Variants in ISY1 observed in about 807,000 individuals in gnomAD.
ISY1 encodes the protein pre-mRNA-splicing factor ISY1 homolog.
Under a neutral mutation model 54.4 loss-of-function variants are expected in ISY1, and 12 were observed. The observed-to-expected ratio is 0.22, with a 90% CI of 0.14 to 0.36. ISY1 has a LOEUF of 0.36. Ranked by LOEUF, ISY1 falls within the 10% of genes least tolerant of loss-of-function variation. The pLI is 1.00. For missense variants in ISY1, 282 were observed against 342.2 expected, an observed-to-expected ratio of 0.82 and a Z score of 1.39; for synonymous variants, 96 against 117.9, an observed-to-expected ratio of 0.81 and a Z score of 1.20.
intron 6 of ISY1, 95 bp from the exon 7 acceptor site, chr3:129,140,580 C>T: frequency 7.5e-7 from 1 of 1,332,532 alleles, no homozygotes; most frequent in Non-Finnish European, 1.0e-6. Flanking sequence ...GCTCTGTTGC[C>T]CATTTATTTA....
At chr3:129,138,623 G>A (rs544824161) in intron 7 of ISY1, among the ~76,000 whole-genome samples, 36 of 151,520 alleles carry the variant, frequency 2.4e-4, no homozygotes, top group African/African-American at 8.7e-4. Context: ...CAGCCTTGGT[G>A]ACAGAGCGAG....
Position 129,156,928 on chromosome 3 carries a change from GA to G in ISY1, c.79-9del, listed in dbSNP as rs1349949655. On this transcript the variant is annotated splice_polypyrimidine_tract_variant and intron_variant, in intron 3 of 10. Transcript: ENST00000393295. ...CAGAAAGGGTCTTCGTTCCTAAGGA[GA>G]AAAAAATAACACATTTCCATTATAC... 2 of 1,612,816 alleles carry G rather than the reference GA, an allele frequency of 1.2e-6. No individual in the cohort carries two copies. The highest frequency in any genetic ancestry group is 2.2e-5 in the East Asian group (1 of 44,828).
intron 6 of ISY1, among the ~76,000 whole-genome samples, chr3:129,141,626 C>T (rs975650365): frequency 1.3e-5 from 2 of 150,752 alleles, no homozygotes; most frequent in East Asian, 2.0e-4. Context: ...TGGTGGTGGG[C>T]GCCTGTAGTC....
intron 9 of ISY1, among the ~76,000 whole-genome samples, chr3:129,133,740 G>A (rs535765158): frequency 6.6e-6 from 1 of 152,242 alleles, no homozygotes; most frequent in African/African-American, 2.4e-5. Flanking sequence ...AAGAGCAACT[G>A]CCACTGACAC....
chr3:129,156,936 T>C lies in ISY1; in HGVS notation c.79-16A>G. 1 of 1,613,440 alleles carries C rather than the reference T, an allele frequency of 6.2e-7. No individual in the cohort carries two copies. The highest frequency in any genetic ancestry group is 8.5e-7 in the Non-Finnish European group (1 of 1,179,732). On this transcript the variant is annotated splice_polypyrimidine_tract_variant and intron_variant, in intron 3 of 10. Transcript: ENST00000393295. ...GTCTTCGTTCCTAAGGAGAAAAAAA[T>C]AACACATTTCCATTATACTATTTAC...
chr3:129,161,001 A>T lies in ISY1; in HGVS notation c.-26T>A. 2 of 1,433,024 alleles carry T rather than the reference A, an allele frequency of 1.4e-6. No homozygotes were observed. Among genetic ancestry groups the T allele is most frequent in the Non-Finnish European group, 1.9e-6 (2 of 1,073,506 alleles). 88.8% of individuals were successfully genotyped at this position (1,433,024 alleles called of 1,614,324 possible). On this transcript the variant is annotated 5_prime_UTR_variant, in exon 1 of 11. Coordinates refer to ENST00000393295, the MANE Select transcript of ISY1 (RefSeq NM_020701.4). ...GGTGTCGCTAAGGGCGCCGTCCTGG[A>T]GCCCCGCGGCCCCTGTCCAAGAAAC... is the stretch of plus-strand genomic sequence containing the variant.
intron 5 of ISY1, among the ~76,000 whole-genome samples, chr3:129,154,316 G>A (rs1297175166): frequency 6.7e-6 from 1 of 149,966 alleles, no homozygotes; most frequent in Non-Finnish European, 1.5e-5. Context: ...TCGGGAGGCT[G>A]AGGCAGGAGA....
chr3:129,159,014 A>G lies in ISY1; in HGVS notation c.26+140T>C, dbSNP rs773603655. The G allele has an allele frequency of 1.2e-5, 13 of 1,119,920 alleles. No homozygotes were observed. In the South Asian group the frequency reaches 1.7e-4, roughly 15 times the overall value. The allele number at this position is 1,119,920 out of a possible 1,614,324, so 69.4% of individuals were successfully genotyped here. On this transcript the variant is annotated intron_variant, in intron 2 of 10. Coordinates refer to ENST00000393295, the MANE Select transcript of ISY1 (RefSeq NM_020701.4). ...TGGGCAAAAACAGGAATGTTTTTGC[A>G]TATGTAAGAACATAACATATGTAAA...
At position 129,130,066 on chromosome 3, in the gene ISY1, A is replaced by T; in HGVS notation, c.*15T>A. ...TGGGGGATGGAAGAACTCCAAGGAG[A>T]GCCCCAGCTGGGTCCTAATACCCCA... On this transcript the variant is annotated 3_prime_UTR_variant, in exon 11 of 11. Coordinates refer to ENST00000393295, the MANE Select transcript of ISY1 (RefSeq NM_020701.4). 6.4e-7 allele frequency: 1 copy of T among 1,560,696 alleles called. No homozygotes were observed. The highest frequency in any genetic ancestry group is 1.2e-5 in the South Asian group (1 of 82,048).
intron 5 of ISY1, among the ~76,000 whole-genome samples, chr3:129,146,476 T>C (rs950305258): frequency 6.6e-6 from 1 of 152,056 alleles, no homozygotes; most frequent in Non-Finnish European, 1.5e-5. Context: ...TGAAACATCA[T>C]ATAACTTTTG....
chr3:129,155,641 T>C (rs911875476), intron 5 of ISY1, among the ~76,000 whole-genome samples: 1 of 151,478 alleles, frequency 6.6e-6, no homozygotes. Context: ...TTTACAAATA[T>C]GTTGTTTAAT....
At chr3:129,146,635 G>A (rs112197822) in intron 5 of ISY1, among the ~76,000 whole-genome samples, 1,600 of 152,282 alleles carry the variant, frequency 0.011, 13 homozygotes, top group Middle Eastern at 0.031. Context: ...TTCTAGGGGT[G>A]ATGGATACTG....
chr3:129,131,673 G>A (rs1174130215), intron 9 of ISY1, among the ~76,000 whole-genome samples: 1 of 152,218 alleles, frequency 6.6e-6, no homozygotes, highest in Non-Finnish European at 1.5e-5. Flanking sequence ...CAGAGGGATG[G>A]CAAGGGCATC....
chr3:129,155,276 C>T (rs1203151661), intron 5 of ISY1, among the ~76,000 whole-genome samples: 1 of 151,686 alleles, frequency 6.6e-6, no homozygotes, highest in Non-Finnish European at 1.5e-5. Flanking sequence ...CTCACTACAA[C>T]CTCCGCCTCC....
chr3:129,130,496 A>G (rs1035091893), intron 10 of ISY1, 54 bp downstream of exon 10: 1 of 1,601,604 alleles, frequency 6.2e-7, no homozygotes, highest in African/African-American at 1.3e-5. Context: ...TGCTCTGTGA[A>G]GTCTGCTTTA....
At chr3:129,143,406 T>C (rs1291311041) in intron 6 of ISY1, among the ~76,000 whole-genome samples, 1 of 147,782 alleles carries the variant, frequency 6.8e-6, no homozygotes. Flanking sequence ...CTCTGGAGGC[T>C]GGGGCACAAG....
In ISY1 at chr3:129,151,137, T is replaced by TATATAAAAATATATAAA. The variant is rs1486465294; in HGVS notation, c.188-5265_188-5264insTTTATATATTTTTATAT. ...ACTCTGTCTCAAAAAAAAATATATA[T>TATATAAAAATATATAAA]ATATATAAATATATAAAATATATAA... On this transcript the variant is annotated intron_variant, in intron 5 of 10. Transcript: ENST00000393295. Among the ~76,000 whole-genome samples, 564 of 145,840 alleles carry TATATAAAAATATATAAA rather than the reference T, an allele frequency of 3.9e-3. 3 individuals are homozygous for TATATAAAAATATATAAA. The highest frequency in any genetic ancestry group is 5.4e-3 in the African/African-American group (215 of 40,100).
chr3:129,144,231 A>C, intron 6 of ISY1: 1 of 356,318 alleles, frequency 2.8e-6, no homozygotes, highest in Non-Finnish European at 5.6e-6. Flanking sequence ...ATATAAAAAT[A>C]AAAAACAGCA....
intron 6 of ISY1, among the ~76,000 whole-genome samples, chr3:129,141,183 C>G (rs977682806): frequency 6.7e-5 from 9 of 133,664 alleles, no homozygotes; most frequent in Non-Finnish European, 1.4e-4. Context: ...CCAGCCAGGG[C>G]TGGAGTAAAT....
Sources: allele counts gnomAD v4.1 joint callset (sites outside exome capture counted in the v4.1 genomes callset), GRCh38; gene constraint gnomAD v4.1.1; transcripts MANE v1.5; gene names NCBI Gene and HGNC (gene_info 2026-07-23, HGNC 2026-07-21).